The following RAB2A variants were observed in gnomAD, a reference collection of about 807,000 sequenced individuals.
The protein encoded by RAB2A is RAB2A, member RAS oncogene family.
RAB2A carries 7 observed loss-of-function variants against 32.5 expected under a neutral mutation model. The observed-to-expected ratio is 0.22, with a 90% CI of 0.12 to 0.40. The LOEUF (loss-of-function observed/expected upper bound fraction) is 0.40, where lower values mean the gene tolerates loss of function less well. Ranked by LOEUF, RAB2A falls within the 10% of genes least tolerant of loss-of-function variation. The probability of loss-of-function intolerance (pLI) is 1.00; values close to 1 mark genes in which losing one functional copy is unlikely to be tolerated. For synonymous variants in RAB2A, 79 were observed against 85.2 expected (o/e 0.93, Z 0.40); for missense variants, 108 against 260.7 (o/e 0.41, Z 4.03).
intron 1 of RAB2A, among the ~76,000 whole-genome samples, chr8:60,518,701 G>C (rs964202165): frequency 1.3e-5 from 2 of 151,626 alleles, no homozygotes; most frequent in Non-Finnish European, 2.9e-5. Context: ...ATGCGTGCGT[G>C]CGTGTGTGTG....
At chr8:60,524,838 T>G (rs1466362478) in intron 1 of RAB2A, among the ~76,000 whole-genome samples, 4 of 152,236 alleles carry the variant, frequency 2.6e-5, no homozygotes, top group Non-Finnish European at 5.9e-5. Flanking sequence ...TTGATTCTTC[T>G]TTTTCTGCTG....
At chr8:60,589,771 T>C (rs766297827) in intron 5 of RAB2A, among the ~76,000 whole-genome samples, 1 of 152,188 alleles carries the variant, frequency 6.6e-6, no homozygotes, top group Non-Finnish European at 1.5e-5. Context: ...TCAAGTACTA[T>C]GGCTTTTGAG....
At chr8:60,594,939 C>G (rs1384981396) in intron 6 of RAB2A, among the ~76,000 whole-genome samples, 2 of 152,214 alleles carry the variant, frequency 1.3e-5, no homozygotes, top group East Asian at 3.9e-4. Flanking sequence ...CCACAATAAA[C>G]ATACGTAGCA....
In RAB2A at chr8:60,547,213, G is replaced by A. The variant is rs370829989; in HGVS notation, c.47-11639G>A. Among the ~76,000 whole-genome samples the A allele has an allele frequency of 3.9e-5, 6 of 152,202 alleles. No individual in the cohort carries two copies. The East Asian group carries it at 7.7e-4, about 20-fold the overall frequency. ...TGTTTCAGAGAACACAGGGTTGGGG[G>A]TAAGGTCACCGATCAACAGGATCCC... is the stretch of plus-strand genomic sequence containing the variant. On this transcript the variant is annotated intron_variant, in intron 1 of 7. Transcript: ENST00000262646.
intron 6 of RAB2A, among the ~76,000 whole-genome samples, chr8:60,595,370 A>G (rs1804005691): frequency 6.6e-6 from 1 of 152,210 alleles, no homozygotes; most frequent in African/African-American, 2.4e-5. Flanking sequence ...AAAATAGAAA[A>G]CAAAGTAAAA....
chr8:60,565,814 G>A (rs560434406), intron 2 of RAB2A, among the ~76,000 whole-genome samples: 32 of 148,026 alleles, frequency 2.2e-4, no homozygotes, highest in East Asian at 1.4e-3. Flanking sequence ...AGGTTCAAGC[G>A]ATTCTCCTGC....
chr8:60,584,959 G>T, intron 5 of RAB2A, 144 bp downstream of exon 5: 1 of 503,624 alleles, frequency 2.0e-6, no homozygotes. Context: ...TGTTTCTTTT[G>T]ATTTTTAAAA....
chr8:60,531,733 GA>G (rs1807478828), intron 1 of RAB2A, among the ~76,000 whole-genome samples: 1 of 151,806 alleles, frequency 6.6e-6, no homozygotes, highest in Non-Finnish European at 1.5e-5. Context: ...GAATATCAAG[GA>G]GGTACTGTTT....
chr8:60,557,405 A>G (rs2130829823), intron 1 of RAB2A, among the ~76,000 whole-genome samples: 1 of 152,244 alleles, frequency 6.6e-6, no homozygotes, highest in Non-Finnish European at 1.5e-5. Context: ...TATGCCAACT[A>G]CTTGGGAGGC....
At chr8:60,612,645 T>A (rs1586116248) in intron 6 of RAB2A, among the ~76,000 whole-genome samples, 1 of 152,382 alleles carries the variant, frequency 6.6e-6, no homozygotes, top group East Asian at 1.9e-4. Context: ...ATCCTGCGTC[T>A]GCTGTAATTA....
At chr8:60,555,303 A>T (rs1223132348) in intron 1 of RAB2A, among the ~76,000 whole-genome samples, 2 of 152,208 alleles carry the variant, frequency 1.3e-5, no homozygotes, top group Non-Finnish European at 2.9e-5. Context: ...GACATTGGTC[A>T]AGGCAAAGAT....
intron 6 of RAB2A, among the ~76,000 whole-genome samples, chr8:60,614,838 A>G (rs558774772): frequency 6.6e-6 from 1 of 152,318 alleles, no homozygotes; most frequent in East Asian, 1.9e-4. Context: ...TGAATGTGGC[A>G]GTTAAAGTCT....
chr8:60,540,429 CTT>C (rs1807622477), intron 1 of RAB2A, among the ~76,000 whole-genome samples: 1 of 152,096 alleles, frequency 6.6e-6, no homozygotes, highest in Non-Finnish European at 1.5e-5. Context: ...TTTTCAGACA[CTT>C]TTCCATTTCT....
intron 1 of RAB2A, among the ~76,000 whole-genome samples, chr8:60,524,037 A>G (rs188069965): frequency 5.9e-5 from 9 of 152,206 alleles, no homozygotes; most frequent in East Asian, 1.9e-4. Context: ...TTTATTTACT[A>G]CTTCCTCCCC....
intron 6 of RAB2A, among the ~76,000 whole-genome samples, chr8:60,599,823 AAAAAAG>A (rs1228703605): frequency 6.6e-6 from 1 of 152,050 alleles, no homozygotes; most frequent in Non-Finnish European, 1.5e-5. Flanking sequence ...TTAGGGGAAA[AAAAAAG>A]AAAAAGAAAA....
At chr8:60,570,303 CTCTT>C (rs543830834) in intron 2 of RAB2A, among the ~76,000 whole-genome samples, 24 of 152,318 alleles carry the variant, frequency 1.6e-4, no homozygotes, top group Middle Eastern at 3.4e-3. Context: ...ATTTTTCTCT[CTCTT>C]TCTCATTTGT....
chr8:60,604,877 A>G (rs1804199198), intron 6 of RAB2A, among the ~76,000 whole-genome samples: 1 of 152,250 alleles, frequency 6.6e-6, no homozygotes, highest in Non-Finnish European at 1.5e-5. Context: ...GTAGAAAAGA[A>G]AAGTCCATTT....
chr8:60,532,531 G>A (rs1220940668), intron 1 of RAB2A, among the ~76,000 whole-genome samples: 1 of 151,702 alleles, frequency 6.6e-6, no homozygotes, highest in Non-Finnish European at 1.5e-5. Flanking sequence ...TTTTTTCCAA[G>A]ATGAAGTCTT....
chr8:60,548,796 G>T (rs1463112258), intron 1 of RAB2A, among the ~76,000 whole-genome samples: 2 of 148,142 alleles, frequency 1.4e-5, no homozygotes, highest in African/African-American at 5.2e-5. Flanking sequence ...CTCCCAGACG[G>T]GGCGGCTGGC....
Sources: allele counts gnomAD v4.1 joint callset (sites outside exome capture counted in the v4.1 genomes callset), GRCh38; gene constraint gnomAD v4.1.1; transcripts MANE v1.5; gene names NCBI Gene and HGNC (gene_info 2026-07-23, HGNC 2026-07-21).